PDE4D: variants seen among roughly 807,000 people sequenced by gnomAD.
PDE4D encodes the protein 3',5'-cyclic-AMP phosphodiesterase 4D.
In PDE4D, 24 loss-of-function variants were observed where a neutral mutation model predicts 87.4. The ratio of observed to expected loss-of-function variants is 0.27; its 90% CI spans 0.20 to 0.39. PDE4D has a LOEUF of 0.39. Ranked by LOEUF, PDE4D falls within the 10% of genes least tolerant of loss-of-function variation. The pLI, the probability that PDE4D is intolerant of heterozygous loss-of-function variation, is 1.00. For missense variants in PDE4D, 714 were observed against 1,041.0 expected (o/e 0.69, Z 4.32); for synonymous variants, 384 against 383.2 (o/e 1.00, Z -0.02).
intron 1 of PDE4D, among the ~76,000 whole-genome samples, chr5:60,337,501 C>T (rs924000738): frequency 2.0e-5 from 3 of 150,666 alleles, no homozygotes; most frequent in Non-Finnish European, 3.0e-5. Flanking sequence ...GGGAGGTGAT[C>T]AAACTGTTCT....
intron 1 of PDE4D, chr5:59,314,275 A>G (rs1773249090): frequency 6.6e-6 from 1 of 152,114 alleles, no homozygotes; most frequent in Non-Finnish European, 1.5e-5. Flanking sequence ...CACCCAACAT[A>G]CAGGGGATGT....
intron 1 of PDE4D, among the ~76,000 whole-genome samples, chr5:59,660,222 GA>G (rs1561424225): frequency 2.6e-5 from 4 of 151,412 alleles, no homozygotes; most frequent in Middle Eastern, 6.8e-3. Context: ...AATAAATATT[GA>G]ATTAGTAACT....
chr5:59,042,748 G>A (rs74442271), intron 5 of PDE4D, among the ~76,000 whole-genome samples: 9 of 152,210 alleles, frequency 5.9e-5, no homozygotes, highest in Non-Finnish European at 1.2e-4. Flanking sequence ...TGTAACACCC[G>A]CATTCTGCTG....
At chr5:59,937,959 C>T (rs567313100) in intron 3 of PDE4D, among the ~76,000 whole-genome samples, 3 of 152,306 alleles carry the variant, frequency 2.0e-5, no homozygotes, top group African/African-American at 7.2e-5. Flanking sequence ...TTTCTCTCTA[C>T]TCAATACTTT....
chr5:60,450,674 C>A (rs560363050), intron 1 of PDE4D, among the ~76,000 whole-genome samples: 12 of 152,120 alleles, frequency 7.9e-5, no homozygotes, highest in African/African-American at 2.9e-4. Context: ...TATTATACTT[C>A]TTCTATCTCC....
intron 1 of PDE4D, among the ~76,000 whole-genome samples, chr5:59,320,123 G>A (rs1317206612): frequency 1.3e-5 from 2 of 151,976 alleles, no homozygotes; most frequent in Admixed American, 1.3e-4. Context: ...ATGTTCTAGA[G>A]TTCCATAATA....
intron 1 of PDE4D, among the ~76,000 whole-genome samples, chr5:60,481,153 G>C (rs1315059885): frequency 1.3e-5 from 2 of 151,982 alleles, no homozygotes; most frequent in African/African-American, 4.8e-5. Flanking sequence ...AAAATAATTT[G>C]GTTGTTAAAA....
chr5:59,093,465 T>C (rs541986367), intron 5 of PDE4D, among the ~76,000 whole-genome samples: 1 of 152,310 alleles, frequency 6.6e-6, no homozygotes, highest in South Asian at 2.1e-4. Context: ...CCCAACTTTT[T>C]TATTTGTCAT....
chr5:59,607,860 CAA>C (rs72385515), intron 1 of PDE4D, among the ~76,000 whole-genome samples: 1,533 of 152,164 alleles, frequency 0.01, 25 homozygotes, highest in African/African-American at 0.033. Context: ...TGAATTAATC[CAA>C]GAGACATCAC....
intron 1 of PDE4D, chr5:59,356,771 A>G (rs1215290887): frequency 6.4e-7 from 1 of 1,571,354 alleles, no homozygotes; most frequent in Non-Finnish European, 8.5e-7. Context: ...TAGGACTTTG[A>G]GAAACGCAAT....
chr5:60,209,187 C>CTTT (rs58524375), intron 1 of PDE4D, among the ~76,000 whole-genome samples: 5 of 108,494 alleles, frequency 4.6e-5, no homozygotes, highest in Non-Finnish European at 3.7e-5. Context: ...TTCTTTTTTT[C>CTTT]TTTTTTTTTT....
intron 1 of PDE4D, among the ~76,000 whole-genome samples, chr5:59,690,307 G>A (rs540601077): frequency 6.6e-6 from 1 of 152,302 alleles, no homozygotes; most frequent in Non-Finnish European, 1.5e-5. Context: ...CACGCTGCCT[G>A]ACTTCAAACT....
intron 2 of PDE4D, among the ~76,000 whole-genome samples, chr5:60,066,101 T>G (rs1333381665): frequency 1.3e-5 from 2 of 152,076 alleles, no homozygotes; most frequent in Non-Finnish European, 2.9e-5. Context: ...CACCTGTTGT[T>G]TCCTGACTTT....
At chr5:59,007,719 T>C (rs1327486903) in intron 6 of PDE4D, among the ~76,000 whole-genome samples, 1 of 152,090 alleles carries the variant, frequency 6.6e-6, no homozygotes, top group Non-Finnish European at 1.5e-5. Flanking sequence ...AATGAAAACA[T>C]CTCTTGTAAG....
At chr5:60,452,514 G>A (rs16878108) in intron 1 of PDE4D, among the ~76,000 whole-genome samples, 23,729 of 151,930 alleles carry the variant, frequency 0.16, 2,725 homozygotes, top group African/African-American at 0.32. Flanking sequence ...CACCAACCCA[G>A]TGAAAAGCCC....
At chr5:59,607,303 T>C (rs1828339994) in intron 1 of PDE4D, among the ~76,000 whole-genome samples, 1 of 152,172 alleles carries the variant, frequency 6.6e-6, no homozygotes, top group Non-Finnish European at 1.5e-5. Context: ...GGATTATTCA[T>C]CTAGCACTGA....
intron 1 of PDE4D, among the ~76,000 whole-genome samples, chr5:60,520,807 A>C (rs1751004253): frequency 6.6e-6 from 1 of 152,220 alleles, no homozygotes; most frequent in Non-Finnish European, 1.5e-5. Context: ...GGTTATGTGC[A>C]TAGTCCTAAA....
intron 2 of PDE4D, among the ~76,000 whole-genome samples, chr5:60,079,437 T>G (rs1344919078): frequency 1.3e-5 from 2 of 152,242 alleles, no homozygotes; most frequent in Non-Finnish European, 1.5e-5. Context: ...GTTTTTGTCA[T>G]GAAGTCTTTG....
At chr5:59,818,303 T>C (rs566755852) in intron 1 of PDE4D, among the ~76,000 whole-genome samples, 8 of 152,338 alleles carry the variant, frequency 5.3e-5, no homozygotes, top group South Asian at 4.1e-4. Context: ...AATGGGATAA[T>C]AATCATCTTT....
Sources: gnomAD v4.1 joint callset for allele counts (sites outside exome capture counted in the v4.1 genomes callset) on GRCh38, gnomAD v4.1.1 for gene constraint, MANE v1.5 for transcripts, NCBI Gene and HGNC (gene_info 2026-07-23, HGNC 2026-07-21) for gene names.